Variants in SLIT2 observed in about 807,000 individuals in gnomAD.
SLIT2 encodes slit guidance ligand 2.
SLIT2 carries 41 observed loss-of-function variants against 185.7 expected under a neutral mutation model. The observed-to-expected ratio is 0.22, with a 90% confidence interval of 0.17 to 0.29. The LOEUF (loss-of-function observed/expected upper bound fraction) is 0.29, where lower values mean the gene tolerates loss of function less well. Among genes scored for constraint, SLIT2 ranks in the 10% least tolerant of loss-of-function variants. The pLI is 1.00. For missense variants in SLIT2, 1,571 were observed against 1,909.0 expected (o/e 0.82, Z 3.30); for synonymous variants, 693 against 680.2 (o/e 1.02, Z -0.29).
intron 3 of SLIT2, among the ~76,000 whole-genome samples, chr4:20,264,627 C>T (rs1012237594): frequency 3.3e-5 from 5 of 151,862 alleles, no homozygotes; most frequent in South Asian, 2.1e-4. Flanking sequence ...TTTGTCAATA[C>T]GTTCAGGCTG....
At chr4:20,380,389 T>G (rs1724399665) in intron 4 of SLIT2, among the ~76,000 whole-genome samples, 1 of 151,928 alleles carries the variant, frequency 6.6e-6, no homozygotes, top group Admixed American at 6.6e-5. Flanking sequence ...TTACATGCAA[T>G]AAAAAATTAC....
chr4:20,267,047 G>A (rs924928750), intron 3 of SLIT2, among the ~76,000 whole-genome samples: 9 of 151,870 alleles, frequency 5.9e-5, no homozygotes, highest in African/African-American at 2.2e-4. Flanking sequence ...TTGGCTCTTT[G>A]GACAATGGAG....
intron 4 of SLIT2, among the ~76,000 whole-genome samples, chr4:20,375,747 G>T (rs968203067): frequency 6.6e-6 from 1 of 151,678 alleles, no homozygotes; most frequent in African/African-American, 2.4e-5. Flanking sequence ...ACCCATCAAA[G>T]GATCTAATTT....
At chr4:20,418,780 G>A (rs1230496708) in intron 4 of SLIT2, among the ~76,000 whole-genome samples, 1 of 151,830 alleles carries the variant, frequency 6.6e-6, no homozygotes, top group African/African-American at 2.4e-5. Context: ...TTCTGGCTCG[G>A]GTAAATAGTA....
chr4:20,412,878 A>G (rs973401625), intron 4 of SLIT2, among the ~76,000 whole-genome samples: 3 of 152,134 alleles, frequency 2.0e-5, no homozygotes, highest in African/African-American at 7.2e-5. Context: ...AGGAAAATCA[A>G]TCATGAATGT....
At chr4:20,272,599 G>C (rs977204322) in intron 4 of SLIT2, among the ~76,000 whole-genome samples, 2 of 152,072 alleles carry the variant, frequency 1.3e-5, no homozygotes, top group African/African-American at 4.8e-5. Flanking sequence ...AATTTCATTG[G>C]TAGTACTGCG....
chr4:20,399,658 G>A (rs1726192862), intron 4 of SLIT2, among the ~76,000 whole-genome samples: 1 of 151,708 alleles, frequency 6.6e-6, no homozygotes, highest in Non-Finnish European at 1.5e-5. Context: ...GGTTGCAGGT[G>A]TACCCTTGAG....
intron 2 of SLIT2, 40 bp downstream of exon 2, chr4:20,256,783 T>C (rs766094807): frequency 2.0e-6 from 2 of 1,024,870 alleles, no homozygotes; most frequent in Non-Finnish European, 2.9e-6. Context: ...TTTTTTAAGG[T>C]TGCATATTTT....
chr4:20,291,064 G>T (rs1168818586), intron 4 of SLIT2, among the ~76,000 whole-genome samples: 5 of 151,522 alleles, frequency 3.3e-5, no homozygotes, highest in African/African-American at 4.9e-5. Flanking sequence ...TTTTCATCTG[G>T]CTCTCCACTG....
At chr4:20,280,478 G>A (rs1250103038) in intron 4 of SLIT2, among the ~76,000 whole-genome samples, 3 of 152,004 alleles carry the variant, frequency 2.0e-5, no homozygotes, top group Non-Finnish European at 4.4e-5. Flanking sequence ...GTTTATATAT[G>A]AGTATGTAGT....
At chr4:20,589,900 C>CAT (rs752265938) in intron 30 of SLIT2, among the ~76,000 whole-genome samples, 163 bp downstream of exon 30, 1 of 84,502 alleles carries the variant, frequency 1.2e-5, no homozygotes, top group Admixed American at 1.5e-4. Flanking sequence ...ACAATATGGA[C>CAT]TTTTTTTTTT....
chr4:20,583,292 A>G (rs1289715721), intron 29 of SLIT2, among the ~76,000 whole-genome samples: 1 of 152,196 alleles, frequency 6.6e-6, no homozygotes, highest in Non-Finnish European at 1.5e-5. Context: ...GACTCAAAAT[A>G]TATGGTGATG....
Position 20,252,607 on chromosome 4 carries a change from C to G in SLIT2, c.-1209C>G, listed in dbSNP as rs994272405. On this transcript the variant is annotated 5_prime_UTR_variant, in exon 1 of 37. Transcript: ENST00000504154. ...CGGGGGCCGGCCGTGGCTCTGCGCC[C>G]TCCGGAACCCGGCTCTTGTTTCTTC... 6.6e-6 allele frequency among the ~76,000 whole-genome samples: 1 copy of G among 152,252 alleles called. No homozygotes were observed.
At chr4:20,322,289 G>C (rs1485146841) in intron 4 of SLIT2, among the ~76,000 whole-genome samples, 1 of 152,122 alleles carries the variant, frequency 6.6e-6, no homozygotes, top group Admixed American at 6.6e-5. Flanking sequence ...GCACAGCTTG[G>C]CTTTAGACAT....
intron 4 of SLIT2, among the ~76,000 whole-genome samples, chr4:20,324,270 G>A (rs1412021896): frequency 6.6e-6 from 1 of 151,286 alleles, no homozygotes; most frequent in Non-Finnish European, 1.5e-5. Context: ...CAATGTATTG[G>A]TGAGGTGCTG....
chr4:20,561,518 A>G (rs1724690454), intron 26 of SLIT2, among the ~76,000 whole-genome samples: 1 of 151,836 alleles, frequency 6.6e-6, no homozygotes, highest in Admixed American at 6.6e-5. Context: ...AGGTGATTAA[A>G]TAATTGAGCC....
At chr4:20,304,500 A>G (rs1196344862) in intron 4 of SLIT2, among the ~76,000 whole-genome samples, 8 of 152,130 alleles carry the variant, frequency 5.3e-5, no homozygotes, top group Admixed American at 5.2e-4. Context: ...GAGCTTGGCC[A>G]TGTGACAAGC....
At chr4:20,259,874 A>G (rs183219992) in intron 3 of SLIT2, among the ~76,000 whole-genome samples, 87 of 151,900 alleles carry the variant, frequency 5.7e-4, no homozygotes, top group African/African-American at 2.0e-3. Context: ...CATATTTGTG[A>G]GGAAAAGCTG....
At chr4:20,268,956 G>A in intron 4 of SLIT2, 75 bp downstream of exon 4, 9 of 900,722 alleles carry the variant, frequency 1.0e-5, no homozygotes, top group East Asian at 4.8e-5. Context: ...GGATCTGTTT[G>A]TGTGTGCTTT....
Sources: gnomAD v4.1 joint callset for allele counts (sites outside exome capture counted in the v4.1 genomes callset) on GRCh38, gnomAD v4.1.1 for gene constraint, MANE v1.5 for transcripts, NCBI Gene and HGNC (gene_info 2026-07-23, HGNC 2026-07-21) for gene names.